Variants in PTPRT observed in about 807,000 individuals in gnomAD.
The protein encoded by PTPRT is receptor-type tyrosine-protein phosphatase T.
A neutral mutation model predicts 176.8 loss-of-function variants in PTPRT; 56 were observed. The observed-to-expected ratio is 0.32, with a 90% CI of 0.26 to 0.40. The LOEUF (loss-of-function observed/expected upper bound fraction) is 0.40, where lower values mean the gene tolerates loss of function less well. Among genes scored for constraint, PTPRT ranks in the 10% least tolerant of loss-of-function variants. The pLI is 1.00. For missense variants in PTPRT, 1,540 were observed against 1,908.2 expected (o/e 0.81, Z 3.60); for synonymous variants, 783 against 739.0 (o/e 1.06, Z -0.96).
chr20:42,688,967 C>T (rs1280114359), intron 6 of PTPRT, among the ~76,000 whole-genome samples: 1 of 152,170 alleles, frequency 6.6e-6, no homozygotes, highest in Admixed American at 6.5e-5. Context: ...GAAAGTGATA[C>T]AGGCTGGGAA....
chr20:42,099,150 C>CCAT (rs1222075543), intron 26 of PTPRT, among the ~76,000 whole-genome samples: 1 of 152,166 alleles, frequency 6.6e-6, no homozygotes, highest in Non-Finnish European at 1.5e-5. Context: ...TATGAGTCAT[C>CCAT]CATCTGTCCA....
chr20:42,806,064 A>G (rs535365346), intron 2 of PTPRT, among the ~76,000 whole-genome samples: 2 of 151,094 alleles, frequency 1.3e-5, no homozygotes, highest in East Asian at 3.9e-4. Flanking sequence ...AGCAATGAAG[A>G]TGCAGGCTCT....
chr20:42,482,065 C>T (rs2071397353), intron 7 of PTPRT, among the ~76,000 whole-genome samples: 2 of 151,916 alleles, frequency 1.3e-5, no homozygotes, highest in Admixed American at 1.3e-4. Flanking sequence ...AGTCTAGAGG[C>T]CAAGAATTCT....
chr20:42,293,898 T>C (rs774969286), intron 12 of PTPRT, among the ~76,000 whole-genome samples: 3 of 152,158 alleles, frequency 2.0e-5, no homozygotes, highest in Admixed American at 6.5e-5. Context: ...ATCTGGGTAG[T>C]TGAAGAAATT....
intron 1 of PTPRT, among the ~76,000 whole-genome samples, chr20:42,930,671 G>A (rs1396910289): frequency 1.3e-5 from 2 of 151,666 alleles, no homozygotes. Context: ...GCAAAGACAG[G>A]GTCTTACTAT....
chr20:42,785,530 G>C (rs1394610669), intron 3 of PTPRT, among the ~76,000 whole-genome samples: 1 of 152,116 alleles, frequency 6.6e-6, no homozygotes, highest in Non-Finnish European at 1.5e-5. Flanking sequence ...AGTATGTTTT[G>C]AATCTGAGAG....
chr20:43,188,764 T>G (rs1338646935), intron 1 of PTPRT, among the ~76,000 whole-genome samples: 5 of 49,972 alleles, frequency 1.0e-4, no homozygotes, highest in Non-Finnish European at 8.8e-5. Context: ...GGGGGGGGGC[T>G]CGGGGGTGGA....
chr20:42,761,014 A>G (rs984138055), intron 5 of PTPRT, among the ~76,000 whole-genome samples: 1 of 152,238 alleles, frequency 6.6e-6, no homozygotes, highest in Non-Finnish European at 1.5e-5. Context: ...TTGAAATAGT[A>G]TACTTCATGG....
intron 1 of PTPRT, among the ~76,000 whole-genome samples, chr20:42,888,188 G>A (rs2145876740): frequency 6.6e-6 from 1 of 152,290 alleles, no homozygotes; most frequent in South Asian, 2.1e-4. Flanking sequence ...GCCACCCAGA[G>A]ACTCGCCTGA....
chr20:42,130,230 A>G (rs766635831), intron 18 of PTPRT, among the ~76,000 whole-genome samples: 10 of 152,210 alleles, frequency 6.6e-5, no homozygotes, highest in Admixed American at 1.3e-4. Flanking sequence ...GAGCAGCCAG[A>G]TAGAAGAAAG....
At chr20:42,465,970 C>T (rs1385044572) in intron 8 of PTPRT, among the ~76,000 whole-genome samples, 1 of 152,116 alleles carries the variant, frequency 6.6e-6, no homozygotes, top group Non-Finnish European at 1.5e-5. Flanking sequence ...GTTCCCCTCC[C>T]TGTGTCCATG....
chr20:42,279,969 T>C (rs1309960771), intron 13 of PTPRT, among the ~76,000 whole-genome samples: 8 of 151,620 alleles, frequency 5.3e-5, no homozygotes, highest in Admixed American at 4.6e-4. Flanking sequence ...GCTGCCGTGA[T>C]GACAGAGAGA....
chr20:42,088,677 T>C (rs1984282515), intron 27 of PTPRT, among the ~76,000 whole-genome samples: 1 of 152,250 alleles, frequency 6.6e-6, no homozygotes, highest in Admixed American at 6.5e-5. Flanking sequence ...TATTCATTTA[T>C]GTATTGTCCA....
chr20:42,763,878 C>A (rs758665785), intron 5 of PTPRT, among the ~76,000 whole-genome samples: 5 of 152,128 alleles, frequency 3.3e-5, no homozygotes, highest in African/African-American at 4.8e-5. Context: ...AGAACTCCTG[C>A]AAAGAGTCAG....
At chr20:42,324,997 A>G (rs2057861480) in intron 11 of PTPRT, among the ~76,000 whole-genome samples, 1 of 152,210 alleles carries the variant, frequency 6.6e-6, no homozygotes, top group African/African-American at 2.4e-5. Flanking sequence ...TTCATCAGAC[A>G]TTTATTGGGT....
chr20:42,102,542 C>T (rs1212852515), intron 25 of PTPRT, among the ~76,000 whole-genome samples: 1 of 152,150 alleles, frequency 6.6e-6, no homozygotes, highest in Admixed American at 6.5e-5. Context: ...AGCGCATCCA[C>T]ACACAGGCTC....
chr20:42,092,306 A>G (rs984363940), intron 27 of PTPRT, among the ~76,000 whole-genome samples: 5 of 152,252 alleles, frequency 3.3e-5, no homozygotes, highest in African/African-American at 1.2e-4. Context: ...GGAAGTAAAC[A>G]TGAGAAGACA....
At chr20:42,252,781 C>T (rs777704742) in intron 13 of PTPRT, among the ~76,000 whole-genome samples, 4 of 152,298 alleles carry the variant, frequency 2.6e-5, no homozygotes, top group Admixed American at 6.5e-5. Context: ...TCAGGGGATT[C>T]GGAGAGGCTG....
intron 7 of PTPRT, among the ~76,000 whole-genome samples, chr20:42,671,717 A>C (rs1173502661): frequency 6.6e-6 from 1 of 152,228 alleles, no homozygotes; most frequent in Non-Finnish European, 1.5e-5. Flanking sequence ...TTTGAGTTTG[A>C]TATACATGAT....
Sources: allele counts gnomAD v4.1 joint callset (sites outside exome capture counted in the v4.1 genomes callset), GRCh38; gene constraint gnomAD v4.1.1; transcripts MANE v1.5; gene names NCBI Gene and HGNC (gene_info 2026-07-23, HGNC 2026-07-21).